The following NT5DC3 variants were observed in gnomAD, a reference collection of about 807,000 sequenced individuals.
NT5DC3 encodes the protein 5'-nucleotidase domain-containing protein 3.
In NT5DC3, 42 loss-of-function variants were observed where a neutral mutation model predicts 67.8. The observed-to-expected ratio is 0.62, with a 90% CI of 0.48 to 0.80. The LOEUF (loss-of-function observed/expected upper bound fraction) is 0.80, where lower values mean the gene tolerates loss of function less well. Ranked by LOEUF, NT5DC3 falls within the 30% of genes least tolerant of loss-of-function variation. NT5DC3 has a pLI of 0.00. For missense variants in NT5DC3, 570 were observed against 696.4 expected (o/e 0.82, Z 2.04); for synonymous variants, 237 against 255.6 (o/e 0.93, Z 0.69).
intron 1 of NT5DC3, among the ~76,000 whole-genome samples, chr12:103,830,342 T>G (rs1456925449): frequency 6.6e-6 from 1 of 152,224 alleles, no homozygotes; most frequent in African/African-American, 2.4e-5. Flanking sequence ...ATATTCTCTT[T>G]GTCTTTTGTA....
the NT5DC3 span, among the ~76,000 whole-genome samples, chr12:103,764,196 G>A: frequency 6.0e-4 from 92 of 152,168 alleles, 1 homozygote; most frequent in African/African-American, 2.2e-3. Flanking sequence ...CAGGTGATAC[G>A]CCCACCTCGG....
intron 1 of NT5DC3, among the ~76,000 whole-genome samples, chr12:103,823,913 G>A (rs1040925539): frequency 6.6e-6 from 1 of 152,208 alleles, no homozygotes; most frequent in Non-Finnish European, 1.5e-5. Flanking sequence ...TAATTCAGGT[G>A]TTTTATCTCC....
intron 2 of NT5DC3, among the ~76,000 whole-genome samples, chr12:103,807,718 A>T (rs1886862371): frequency 6.6e-6 from 1 of 152,220 alleles, no homozygotes; most frequent in Non-Finnish European, 1.5e-5. Context: ...CTTGAATTGT[A>T]GTTCCCATAA....
intron 1 of NT5DC3, chr12:103,820,994 C>T (rs1417570059): frequency 6.6e-6 from 1 of 152,326 alleles, no homozygotes; most frequent in African/African-American, 2.4e-5. Flanking sequence ...ATCCTCCCTC[C>T]ACTCCTCACC....
Position 103,772,731 on chromosome 12 carries a change from A to T in NT5DC3, c.*5098T>A, listed in dbSNP as rs1478641260. On this transcript the variant is annotated 3_prime_UTR_variant, in exon 14 of 14. Transcript: ENST00000392876. ...TGGGATGGCCCCAGAGGGTTTCCCA[A>T]GTTGGGGTGAGGAGGCCAGCCCTTT... 1 of 152,338 alleles carries T rather than the reference A, an allele frequency of 6.6e-6. No homozygotes were observed. The highest frequency in any genetic ancestry group is 1.5e-5 in the Non-Finnish European group (1 of 68,126). 9.4% of individuals were successfully genotyped at this position (152,338 alleles called of 1,614,324 possible).
At chr12:103,797,385 G>A (rs148097755) in intron 5 of NT5DC3, among the ~76,000 whole-genome samples, 1,891 of 151,498 alleles carry the variant, frequency 0.012, 12 homozygotes, top group Non-Finnish European at 0.017. Flanking sequence ...CAGGAGAATC[G>A]CTTGAACCCA....
At chr12:103,806,125 T>C (rs1377693108) in intron 4 of NT5DC3, among the ~76,000 whole-genome samples, 197 bp downstream of exon 4, 1 of 152,154 alleles carries the variant, frequency 6.6e-6, no homozygotes, top group African/African-American at 2.4e-5. Context: ...TCTGAGCTCC[T>C]TGAGGACATC....
At chr12:103,764,980 C>A in the NT5DC3 span, among the ~76,000 whole-genome samples, 1 of 148,444 alleles carries the variant, frequency 6.7e-6, no homozygotes, top group African/African-American at 2.5e-5. Context: ...CCCAGCTACA[C>A]GGGAGGCTGA....
At chr12:103,748,255 G>A in the NT5DC3 span, among the ~76,000 whole-genome samples, 1 of 152,144 alleles carries the variant, frequency 6.6e-6, no homozygotes, top group Non-Finnish European at 1.5e-5. Context: ...TCCTTAGAAT[G>A]AGTCTTCTTG....
rs11616136 is a variant in NT5DC3 at position 103,772,317 on chromosome 12, C to T, written c.*5512G>A. ...TGACAATAAACCAGATGATACAATT[C>T]AAACTTTTATTTGGCAATAAGTTCA... On this transcript the variant is annotated 3_prime_UTR_variant, in exon 14 of 14. Coordinates refer to ENST00000392876, the MANE Select transcript of NT5DC3 (RefSeq NM_001031701.3). 27,144 of 152,322 alleles carry T rather than the reference C, an allele frequency of 0.18. 2,900 individuals carry two copies. The highest frequency in any genetic ancestry group is 0.44 in the East Asian group (2,291 of 5,162). The allele number at this position is 152,322 out of a possible 1,614,324, so 9.4% of individuals were successfully genotyped here.
chr12:103,832,229 A>G (rs1317285270), intron 1 of NT5DC3, among the ~76,000 whole-genome samples: 1 of 152,006 alleles, frequency 6.6e-6, no homozygotes, highest in African/African-American at 2.4e-5. Flanking sequence ...GACTGCTGAA[A>G]GCCAAAGTCC....
intron 9 of NT5DC3, among the ~76,000 whole-genome samples, chr12:103,791,225 C>T (rs576213407): frequency 2.6e-4 from 40 of 152,220 alleles, no homozygotes; most frequent in African/African-American, 8.4e-4. Flanking sequence ...TCCAGGGAAA[C>T]GAGTCCAGGA....
chr12:103,798,768 G>A, intron 4 of NT5DC3, 91 bp from the exon 5 acceptor site: 1 of 890,034 alleles, frequency 1.1e-6, no homozygotes, highest in South Asian at 1.5e-5. Flanking sequence ...TTTCAATTGA[G>A]GTGCAAGGCA....
intron 1 of NT5DC3, among the ~76,000 whole-genome samples, chr12:103,830,068 T>C (rs1887861526): frequency 6.6e-6 from 1 of 152,210 alleles, no homozygotes; most frequent in Non-Finnish European, 1.5e-5. Flanking sequence ...ATAATCGTGG[T>C]TGACATTTAC....
chr12:103,831,572 G>C (rs573519247), intron 1 of NT5DC3, among the ~76,000 whole-genome samples: 77 of 152,210 alleles, frequency 5.1e-4, no homozygotes, highest in African/African-American at 1.8e-3. Flanking sequence ...CCAAAAGAGA[G>C]AAGTTTCTCT....
chr12:103,786,085 G>T (rs1885758679), intron 11 of NT5DC3, among the ~76,000 whole-genome samples: 1 of 152,054 alleles, frequency 6.6e-6, no homozygotes, highest in Non-Finnish European at 1.5e-5. Context: ...ACTACTATTT[G>T]CCAGGCCCTA....
intron 2 of NT5DC3, among the ~76,000 whole-genome samples, chr12:103,810,581 A>T (rs1886987278): frequency 6.6e-6 from 1 of 152,242 alleles, no homozygotes; most frequent in Non-Finnish European, 1.5e-5. Context: ...TTTTTATTAA[A>T]ATTCTAATTT....
At chr12:103,785,646 A>G (rs1486985662) in intron 11 of NT5DC3, 171 bp from the exon 12 acceptor site, 4 of 745,260 alleles carry the variant, frequency 5.4e-6, no homozygotes, top group Admixed American at 4.2e-5. Flanking sequence ...ATTTGGCCCC[A>G]GCCTTTGATC....
intron 11 of NT5DC3, among the ~76,000 whole-genome samples, chr12:103,786,992 A>G (rs755122603): frequency 1.3e-5 from 2 of 152,118 alleles, no homozygotes; most frequent in Non-Finnish European, 2.9e-5. Context: ...CCACTGGTTC[A>G]GTTTCTTGAA....
Sources: allele counts gnomAD v4.1 joint callset (sites outside exome capture counted in the v4.1 genomes callset), GRCh38; gene constraint gnomAD v4.1.1; transcripts MANE v1.5; gene names NCBI Gene and HGNC (gene_info 2026-07-23, HGNC 2026-07-21).